B9D1: variants seen among roughly 807,000 people sequenced by gnomAD.
The protein encoded by B9D1 is B9 domain containing 1.
In B9D1, 20 loss-of-function variants were observed where a neutral mutation model predicts 26.1. That is an observed-to-expected ratio of 0.77 (90% CI 0.54 to 1.12). B9D1 has a LOEUF of 1.12. Among genes scored for constraint, B9D1 ranks in the 50% most tolerant of loss-of-function variants. The pLI is 0.00. For synonymous variants in B9D1, 105 were observed against 103.1 expected (o/e 1.02, Z -0.11); for missense variants, 260 against 273.7 (o/e 0.95, Z 0.35).
At chr17:19,369,344 AGGGCCGCGTTCG>A (rs1567911414) in intron 1 of B9D1, among the ~76,000 whole-genome samples, 2 of 152,232 alleles carry the variant, frequency 1.3e-5, no homozygotes, top group African/African-American at 4.8e-5. Flanking sequence ...ACCTCTTCCC[AGGGCCGCGTTCG>A]GTGTGTCATG....
intron 1 of B9D1, among the ~76,000 whole-genome samples, chr17:19,367,890 G>T (rs563693595): frequency 1.3e-5 from 2 of 152,240 alleles, no homozygotes; most frequent in East Asian, 3.9e-4. Context: ...TCAAAGTCCC[G>T]GCATATGCAG....
At position 19,359,140 on chromosome 17, in the gene B9D1, C is replaced by T. The variant is rs1910722814; in HGVS notation, c.132+1180G>A. Among the ~76,000 whole-genome samples, 1 of 152,254 alleles carries T rather than the reference C, an allele frequency of 6.6e-6. No individual in the cohort carries two copies. Among genetic ancestry groups the T allele is most frequent in the Non-Finnish European group, 1.5e-5 (1 of 68,042 alleles). ...CTGTCAGAGCCAACTGGGCTGCCTG[C>T]TCTTGCCCTTTCCCCCCGAGTCTAT... is the stretch of plus-strand genomic sequence containing the variant. On this transcript the variant is annotated intron_variant, in intron 2 of 6. Transcript: ENST00000261499. This position sits in a 1 kb window ranked among gnomAD's most constrained non-coding sequence, Gnocchi z 5.0.
chr17:19,362,722 G>A lies in B9D1; in HGVS notation c.-153C>T. The A allele has an allele frequency of 2.6e-6, 4 of 1,527,350 alleles. No individual in the cohort carries two copies. Among genetic ancestry groups the A allele is most frequent in the South Asian group, 1.2e-5 (1 of 83,304 alleles). The allele number at this position is 1,527,350 out of a possible 1,614,324, so 94.6% of individuals were successfully genotyped here. On this transcript the variant is annotated 5_prime_UTR_variant, in exon 1 of 7. Transcript: ENST00000261499. ...GGCCACGCGAGTGCGCGTGTGGCAT[G>A]CGCAGGCGCAGTGAACGGGCGCCGT...
At position 19,372,718 on chromosome 17, in the gene B9D1, C is replaced by T. The variant is rs564824691; in HGVS notation, c.-298+5141G>A. Among the ~76,000 whole-genome samples the T allele has an allele frequency of 5.9e-5, 9 of 152,316 alleles. No individual in the cohort carries two copies. The South Asian group carries it at 1.9e-3, about 32-fold the overall frequency. The stretch of plus-strand genomic sequence containing the variant: ...CAGACAAGAAAGGATGCCCCGGCCT[C>T]CATGTGACGGAGCTGGATTCAAACC... On this transcript the variant is annotated intron_variant, in intron 1 of 5. Transcript: ENST00000477478. This position sits in a 1 kb window ranked among gnomAD's most constrained non-coding sequence, Gnocchi z 4.4.
chr17:19,357,392 T>C (rs1910486869), intron 3 of B9D1, among the ~76,000 whole-genome samples: 3 of 152,198 alleles, frequency 2.0e-5, no homozygotes, highest in Admixed American at 1.3e-4. Flanking sequence ...GTGGGAATGG[T>C]ATCCAGACAG....
Position 19,347,421 on chromosome 17 carries a change from A to T in B9D1, c.342-90T>A. Reference sequence around the variant, plus strand: ...AGAAACCCTCAGATCAGGCCAGTGCAGCTGCAGCGTGGGCCAAGTCAGGGC... The same window carrying T: ...AGAAACCCTCAGATCAGGCCAGTGCTGCTGCAGCGTGGGCCAAGTCAGGGC... On this transcript the variant is annotated intron_variant, in intron 4 of 6. Coordinates refer to ENST00000261499, the MANE Select transcript of B9D1 (RefSeq NM_015681.6). The surrounding 1 kb of genome is among the most constrained non-coding windows in gnomAD (Gnocchi z 4.3). 4 of 1,493,470 alleles carry T rather than the reference A, an allele frequency of 2.7e-6. No homozygotes were observed. Among genetic ancestry groups the T allele is most frequent in the Non-Finnish European group, 3.7e-6 (4 of 1,075,860 alleles). The allele number at this position is 1,493,470 out of a possible 1,614,324, so 92.5% of individuals were successfully genotyped here. A position where few individuals can be genotyped will look rare whatever the true frequency, so the allele number is the denominator to read the frequency against.
chr17:19,357,868 G>T lies in B9D1; in HGVS notation c.216C>A (p.Val72=). ...CGTAGGGGTTGGTGCTTTTAAAGGT[G>T]ACATCAATGGGGAAGTTCCACACCA... ...QALVWNFPID[V]TFKSTNPYGW... is the part of the protein sequence containing the mutation. The change falls in exon 3 of 7, where the codon GTC becomes GTA. Residue 72 remains valine (V), a synonymous_variant. Coordinates refer to ENST00000261499, the MANE Select transcript of B9D1 (RefSeq NM_015681.6). 6.2e-7 allele frequency: 1 copy of T among 1,614,014 alleles called. No individual in the cohort carries two copies. The highest frequency in any genetic ancestry group is 8.5e-7 in the Non-Finnish European group (1 of 1,179,968).
chr17:19,365,603 C>T (rs978358278), upstream of B9D1, among the ~76,000 whole-genome samples: 12 of 152,182 alleles, frequency 7.9e-5, no homozygotes, highest in African/African-American at 2.4e-4. The surrounding 1 kb of genome is among the most constrained non-coding windows in gnomAD (Gnocchi z 5.0). Context: ...AGCTCAGCTC[C>T]GGGTCCCAGG....
At position 19,362,680 on chromosome 17, in the gene B9D1, A is replaced by G; in HGVS notation, c.-111T>C. 6.5e-7 allele frequency: 1 copy of G among 1,538,982 alleles called. No homozygotes were observed. ...TAGCGCGCAGGACACGTTTCTTGGC[A>G]GCGACACCTTCGCGAAGGCCACGCG... On this transcript the variant is annotated 5_prime_UTR_variant, in exon 1 of 7. Transcript: ENST00000261499.
upstream of B9D1, chr17:19,362,751 A>T (rs552163246): frequency 1.3e-6 from 2 of 1,486,998 alleles, no homozygotes; most frequent in Admixed American, 2.0e-5. Flanking sequence ...GCGCCGTTAT[A>T]AGGGGGCGGG....
chr17:19,369,079 T>C (rs1678101619), intron 1 of B9D1, among the ~76,000 whole-genome samples: 1 of 152,184 alleles, frequency 6.6e-6, no homozygotes, highest in South Asian at 2.1e-4. Context: ...TTTTTTGTTC[T>C]TGAGAACTGC....
intron 5 of B9D1, chr17:19,344,389 C>A (rs1231097282): frequency 4.6e-6 from 1 of 219,014 alleles, no homozygotes; most frequent in East Asian, 1.6e-4. Context: ...ATCTTGGCAC[C>A]CACCGCAGGC....
chr17:19,362,346 TCGCGC>T (rs1911203939), intron 1 of B9D1, among the ~76,000 whole-genome samples, 156 bp downstream of exon 1: 1 of 152,122 alleles, frequency 6.6e-6, no homozygotes, highest in Admixed American at 6.5e-5. Flanking sequence ...CCGGGCAACC[TCGCGC>T]CAAGCTCTCC....
At chr17:19,343,036 T>G, downstream of B9D1, 1 of 1,311,030 alleles carries the variant, frequency 7.6e-7, no homozygotes. Flanking sequence ...TGCTGCACGG[T>G]CTGGTCTCCT....
chr17:19,343,630 A>C, intron 6 of B9D1, 160 bp downstream of exon 6: 3 of 1,579,326 alleles, frequency 1.9e-6, no homozygotes, highest in Non-Finnish European at 2.6e-6. Context: ...CAGACATGAC[A>C]AACCCTCTGT....
chr17:19,376,836 T>TAAAATA (rs869115198), intron 1 of B9D1, among the ~76,000 whole-genome samples: 2 of 126,760 alleles, frequency 1.6e-5, no homozygotes, highest in African/African-American at 5.5e-5. Context: ...TAAAATAAAA[T>TAAAATA]AAACAACCAA....
chr17:19,362,601 T>A lies in B9D1; in HGVS notation c.-32A>T, dbSNP rs775008149. 31 of 1,580,150 alleles carry A rather than the reference T, an allele frequency of 2.0e-5. 1 individual carries two copies. Among genetic ancestry groups the A allele is most frequent in the East Asian group, 2.3e-5 (1 of 43,728 alleles). ...TCTGGGGGTGCCGGGGGGACCCACC[T>A]AGGCCGCGCGCGGTTGCTAAGAGAC... On this transcript the variant is annotated 5_prime_UTR_variant, in exon 1 of 7. Transcript: ENST00000261499.
At chr17:19,346,357 G>A (rs1335138903) in intron 5 of B9D1, among the ~76,000 whole-genome samples, 1 of 152,222 alleles carries the variant, frequency 6.6e-6, no homozygotes, top group Non-Finnish European at 1.5e-5. Flanking sequence ...CTCGGCCCTG[G>A]GCGCGATGCT....
chr17:19,356,885 T>C (rs1477750222), intron 3 of B9D1, among the ~76,000 whole-genome samples: 1 of 152,216 alleles, frequency 6.6e-6, no homozygotes, highest in Non-Finnish European at 1.5e-5. Context: ...GTCCAGTACC[T>C]ACAGTACCTA....
Sources: allele counts gnomAD v4.1 joint callset (sites outside exome capture counted in the v4.1 genomes callset), GRCh38; gene constraint gnomAD v4.1.1; non-coding constraint Gnocchi (gnomAD v3.1); transcripts MANE v1.5; gene names NCBI Gene and HGNC (gene_info 2026-07-23, HGNC 2026-07-21).